The following KCNQ1 variants were observed in gnomAD, a reference collection of about 807,000 sequenced individuals.
KCNQ1 encodes the protein potassium voltage-gated channel subfamily Q member 1.
Under a neutral mutation model 72.4 loss-of-function variants are expected in KCNQ1, and 49 were observed. The ratio of observed to expected loss-of-function variants is 0.68; its 90% confidence interval spans 0.54 to 0.86. The LOEUF (loss-of-function observed/expected upper bound fraction) is 0.86. KCNQ1 is among the 40% of genes least tolerant of loss of function. The pLI is 0.00. For synonymous variants in KCNQ1, 450 were observed against 412.6 expected (o/e 1.09, Z -1.10); for missense variants, 790 against 945.1 (o/e 0.84, Z 2.15).
At chr11:2,667,835 T>C (rs907743953) in intron 11 of KCNQ1, 1 of 398,572 alleles carries the variant, frequency 2.5e-6, no homozygotes, top group Admixed American at 4.4e-5. Flanking sequence ...TGTTAAACTT[T>C]TAGTTAAAGG....
chr11:2,586,920 C>T (rs1848600281), intron 8 of KCNQ1, among the ~76,000 whole-genome samples: 1 of 152,170 alleles, frequency 6.6e-6, no homozygotes, highest in South Asian at 2.1e-4. Flanking sequence ...CACAACTGCT[C>T]CCCCGCCGGG....
chr11:2,790,845 AAGTTCCGCCTCAACCCTACTAC>A (rs1322785464), intron 15 of KCNQ1, among the ~76,000 whole-genome samples: 1 of 152,164 alleles, frequency 6.6e-6, no homozygotes, highest in African/African-American at 2.4e-5. Flanking sequence ...CTGCAAGTTC[AAGTTCCGCCTCAACCCTACTAC>A]GTGGCCCTGG....
Position 2,541,825 on chromosome 11 carries a change from G to C in KCNQ1, c.477+13807G>C, listed in dbSNP as rs1048143160. ...TTGTAGTTTCTCCCCAGAGTTCATGGAGCCCCTGTCAGAGGCGCTGAGGCC... is the reference window on the plus strand; with the variant it reads ...TTGTAGTTTCTCCCCAGAGTTCATGCAGCCCCTGTCAGAGGCGCTGAGGCC... On this transcript the variant is annotated intron_variant, in intron 2 of 15. Coordinates refer to ENST00000155840, the MANE Select transcript of KCNQ1 (RefSeq NM_000218.3). This position sits in a 1 kb window ranked among gnomAD's most constrained non-coding sequence, Gnocchi z 4.8. Among the ~76,000 whole-genome samples the C allele has an allele frequency of 6.6e-6, 1 of 152,032 alleles. No homozygotes were observed. The highest frequency in any genetic ancestry group is 1.5e-5 in the Non-Finnish European group (1 of 68,022).
In KCNQ1 at chr11:2,676,440, A is replaced by G. The variant is rs1850296003; in HGVS notation, c.1514+14359A>G. 2.5e-6 allele frequency: 1 copy of G among 398,652 alleles called. No homozygotes were observed. Among genetic ancestry groups the G allele is most frequent in the Non-Finnish European group, 4.4e-6 (1 of 226,074 alleles). The allele number at this position is 398,652 out of a possible 1,614,324, so 24.7% of individuals were successfully genotyped here. ...GGGCTGGGCTTTTCCCAGATAGGAC[A>G]TGCTCACTGTTCTGCTCAGATTGTT... is the stretch of plus-strand genomic sequence containing the variant. On this transcript the variant is annotated intron_variant, in intron 11 of 15. Coordinates refer to ENST00000155840, the MANE Select transcript of KCNQ1 (RefSeq NM_000218.3). The surrounding 1 kb of genome is among the most constrained non-coding windows in gnomAD (Gnocchi z 4.2).
chr11:2,616,481 A>C, intron 10 of KCNQ1: 1 of 397,816 alleles, frequency 2.5e-6, no homozygotes, highest in Non-Finnish European at 4.4e-6. Context: ...AAGGTATAAT[A>C]TTAGGTTATG....
Position 2,657,343 on chromosome 11 carries a change from T to C in KCNQ1, c.1394-4618T>C. 1 of 398,650 alleles carries C rather than the reference T, an allele frequency of 2.5e-6. No homozygotes were observed. Among genetic ancestry groups the C allele is most frequent in the Non-Finnish European group, 4.4e-6 (1 of 226,068 alleles). The allele number at this position is 398,650 out of a possible 1,614,324, so 24.7% of individuals were successfully genotyped here. A position where few individuals can be genotyped will look rare whatever the true frequency, so the allele number is the denominator to read the frequency against. On this transcript the variant is annotated intron_variant, in intron 10 of 15. Coordinates refer to ENST00000155840, the MANE Select transcript of KCNQ1 (RefSeq NM_000218.3). This position sits in a 1 kb window ranked among gnomAD's most constrained non-coding sequence, Gnocchi z 4.8. ...GTATTGAGTCTTCTAGTCATTGGAA[T>C]GAAGGCATATTTCTCCATTTATATC...
In KCNQ1 at chr11:2,815,163, A is replaced by G. The variant is rs1847589523; in HGVS notation, c.1795-32604A>G. 2.0e-5 allele frequency among the ~76,000 whole-genome samples: 3 copies of G among 152,194 alleles called. No individual in the cohort carries two copies. Among genetic ancestry groups the G allele is most frequent in the South Asian group, 4.1e-4 (2 of 4,828 alleles). Reference sequence around the variant, plus strand: ...CCCTCCCCAAATTACCCCCATGCTCAGGGTGTCACTGAGGGTCCCAAGTCT... The same window carrying G: ...CCCTCCCCAAATTACCCCCATGCTCGGGGTGTCACTGAGGGTCCCAAGTCT... On this transcript the variant is annotated intron_variant, in intron 15 of 15. Transcript: ENST00000155840. The surrounding 1 kb of genome is among the most constrained non-coding windows in gnomAD (Gnocchi z 5.4).
In KCNQ1 at chr11:2,567,344, G is replaced by C. The variant is rs1484820309; in HGVS notation, c.478-3284G>C. Among the ~76,000 whole-genome samples the C allele has an allele frequency of 6.6e-6, 1 of 152,120 alleles. No homozygotes were observed. The highest frequency in any genetic ancestry group is 2.4e-5 in the African/African-American group (1 of 41,416). On this transcript the variant is annotated intron_variant, in intron 2 of 15. Coordinates refer to ENST00000155840, the MANE Select transcript of KCNQ1 (RefSeq NM_000218.3). The surrounding 1 kb of genome is among the most constrained non-coding windows in gnomAD (Gnocchi z 6.6). The stretch of plus-strand genomic sequence containing the variant: ...CCTGGGGTCTGGACTGCTGGAACCA[G>C]GGGGAGGCAGGCCTGCCATTCTGTG...
At chr11:2,747,119 G>A (rs988640284) in intron 11 of KCNQ1, among the ~76,000 whole-genome samples, 1 of 152,204 alleles carries the variant, frequency 6.6e-6, no homozygotes, top group South Asian at 2.1e-4. Flanking sequence ...GGCCCATGGT[G>A]GAAATGCAAA....
intron 12 of KCNQ1, among the ~76,000 whole-genome samples, chr11:2,770,199 G>A (rs1846569349): frequency 6.6e-6 from 1 of 152,120 alleles, no homozygotes; most frequent in Non-Finnish European, 1.5e-5. Context: ...CAGTCTCCTT[G>A]GTGGAGCCCC....
intron 11 of KCNQ1, among the ~76,000 whole-genome samples, chr11:2,716,557 T>C (rs534275871): frequency 8.5e-5 from 13 of 152,338 alleles, no homozygotes; most frequent in African/African-American, 3.1e-4. Context: ...GTGGGTTGGC[T>C]TGCCAAGCGG....
In KCNQ1 at chr11:2,762,872, G is replaced by GA. The variant is rs1408452856; in HGVS notation, c.1515-5970dup. On this transcript the variant is annotated intron_variant, in intron 11 of 15. Coordinates refer to ENST00000155840, the MANE Select transcript of KCNQ1 (RefSeq NM_000218.3). This position sits in a 1 kb window ranked among gnomAD's most constrained non-coding sequence, Gnocchi z 4.3. ...GGTCCCTGGTGCCAAAAAGGTTGGG[G>GA]AACCACTGCCCTATTCCGTCAGACC... 1.3e-5 allele frequency among the ~76,000 whole-genome samples: 2 copies of GA among 152,122 alleles called. No homozygotes were observed. The highest frequency in any genetic ancestry group is 4.8e-5 in the African/African-American group (2 of 41,402).
chr11:2,691,432 C>T lies in KCNQ1; in HGVS notation c.1514+29351C>T, dbSNP rs184662220. 2.5e-6 allele frequency: 1 copy of T among 398,514 alleles called. No homozygotes were observed. The highest frequency in any genetic ancestry group is 1.3e-4 in the South Asian group (1 of 7,852). The allele number at this position is 398,514 out of a possible 1,614,324, so 24.7% of individuals were successfully genotyped here. A position where few individuals can be genotyped will look rare whatever the true frequency, so the allele number is the denominator to read the frequency against. ...TGTCTGTGGGGAGTCCACTGAAGCT[C>T]CCTGCCCCCACTGAGTCTCTGATGT... On this transcript the variant is annotated intron_variant, in intron 11 of 15. Coordinates refer to ENST00000155840, the MANE Select transcript of KCNQ1 (RefSeq NM_000218.3). The surrounding 1 kb of genome is among the most constrained non-coding windows in gnomAD (Gnocchi z 6.4).
intron 6 of KCNQ1, among the ~76,000 whole-genome samples, chr11:2,581,540 T>C (rs1341642544): frequency 6.6e-6 from 1 of 152,190 alleles, no homozygotes; most frequent in Non-Finnish European, 1.5e-5. Context: ...GCCTCACCCA[T>C]GGCCTGGCTT....
Position 2,782,269 on chromosome 11 carries a change from C to A in KCNQ1, c.1794+4232C>A. Among the ~76,000 whole-genome samples the A allele has an allele frequency of 6.6e-6, 1 of 152,164 alleles. No homozygotes were observed. The highest frequency in any genetic ancestry group is 1.9e-4 in the East Asian group (1 of 5,194). On this transcript the variant is annotated intron_variant, in intron 15 of 15. Coordinates refer to ENST00000155840, the MANE Select transcript of KCNQ1 (RefSeq NM_000218.3). This position sits in a 1 kb window ranked among gnomAD's most constrained non-coding sequence, Gnocchi z 6.1. ...TTTTTCCAGCCATATATGCGGTCTC[C>A]GGCCTCTCCTCACACCCACCAATCC...
chr11:2,728,364 G>A (rs1010822449), intron 11 of KCNQ1, among the ~76,000 whole-genome samples: 3 of 152,238 alleles, frequency 2.0e-5, no homozygotes, highest in African/African-American at 7.2e-5. Flanking sequence ...CAGCCCTCAG[G>A]GGACCACAGC....
intron 10 of KCNQ1, chr11:2,625,362 C>A (rs1849245947): frequency 5.0e-6 from 2 of 398,466 alleles, no homozygotes; most frequent in Non-Finnish European, 4.4e-6. Flanking sequence ...CTTAGGCTAT[C>A]CTCCCACCTT....
Position 2,711,795 on chromosome 11 carries a change from C to T in KCNQ1, c.1514+49714C>T, listed in dbSNP as rs573331238. ...AAATTTCCTTTCAACTCGAGGGTCT[C>T]AAATCCACTCAGCAGACTTAGGAGG... On this transcript the variant is annotated intron_variant, in intron 11 of 15. Coordinates refer to ENST00000155840, the MANE Select transcript of KCNQ1 (RefSeq NM_000218.3). The surrounding 1 kb of genome is among the most constrained non-coding windows in gnomAD (Gnocchi z 5.4). Among the ~76,000 whole-genome samples, 3 of 152,298 alleles carry T rather than the reference C, an allele frequency of 2.0e-5. No homozygotes were observed. Among genetic ancestry groups the T allele is most frequent in the Non-Finnish European group, 2.9e-5 (2 of 68,024 alleles).
chr11:2,687,544 C>T lies in KCNQ1; in HGVS notation c.1514+25463C>T, dbSNP rs1397333546. 2 of 398,608 alleles carry T rather than the reference C, an allele frequency of 5.0e-6. No homozygotes were observed. The highest frequency in any genetic ancestry group is 2.1e-5 in the African/African-American group (1 of 48,620). The allele number at this position is 398,608 out of a possible 1,614,324, so 24.7% of individuals were successfully genotyped here. On this transcript the variant is annotated intron_variant, in intron 11 of 15. Coordinates refer to ENST00000155840, the MANE Select transcript of KCNQ1 (RefSeq NM_000218.3). The surrounding 1 kb of genome is among the most constrained non-coding windows in gnomAD (Gnocchi z 5.0). ...TCTGTATGGTCCCTTCCCTGGTGCA[C>T]CTACCACAGCCCACTCTGATGACCC...
Sources: allele counts gnomAD v4.1 joint callset (sites outside exome capture counted in the v4.1 genomes callset), GRCh38; gene constraint gnomAD v4.1.1; non-coding constraint Gnocchi (gnomAD v3.1); transcripts MANE v1.5; gene names NCBI Gene and HGNC (gene_info 2026-07-23, HGNC 2026-07-21).